The following SHROOM2 variants were observed in gnomAD, a reference collection of about 807,000 sequenced individuals.
SHROOM2 encodes shroom family member 2.
SHROOM2 carries 33 observed loss-of-function variants against 75.9 expected under a neutral mutation model. The observed-to-expected ratio is 0.43, with a 90% confidence interval of 0.33 to 0.58. SHROOM2 has a LOEUF of 0.58. SHROOM2 is among the 20% of genes least tolerant of loss of function. The pLI, the probability that SHROOM2 is intolerant of heterozygous loss-of-function variation, is 0.04. For synonymous variants in SHROOM2, 655 were observed against 663.6 expected, an observed-to-expected ratio of 0.99 and a Z score of 0.20; for missense variants, 1,434 against 1,461.2, an observed-to-expected ratio of 0.98 and a Z score of 0.30.
In SHROOM2 at chrX:9,937,194, C is replaced by T. The variant is rs1204724090; in HGVS notation, c.3648C>T (p.His1216=). Residue 1216 remains histidine (H), a synonymous_variant, in exon 7 of 10, where the codon CAC becomes CAT. Transcript: ENST00000380913. ...TVKMVPIKIV[H]SESQPEKESR... is the part of the protein sequence containing the mutation. ...AGATGGTGCCCATCAAGATCGTGCA[C>T]TCGGAGAGCCAGCCAGAGAAGGAGA... 8.3e-7 allele frequency: 1 copy of T among 1,204,320 alleles called. No homozygotes were observed. Among genetic ancestry groups the T allele is most frequent in the East Asian group, 3.0e-5 (1 of 33,384 alleles).
chrX:9,855,904 G>A (rs73474524), intron 1 of SHROOM2, among the ~76,000 whole-genome samples: 1,409 of 111,273 alleles, frequency 0.013, 19 homozygotes, highest in African/African-American at 0.043. Flanking sequence ...TTGCATACCC[G>A]CCAAAGCGCA....
In SHROOM2 at chrX:9,895,219, C is replaced by G. The variant is rs200302584; in HGVS notation, c.1311C>G (p.Pro437=). The stretch of plus-strand genomic sequence containing the variant: ...CTCCCCTATACAGCGACCACAGCCC[C>G]CTCTGTGCTGACAGCCTTGGGCAGG... ...RHPPLYSDHS[P]LCADSLGQEP... is the part of the protein sequence containing the mutation. The change falls in exon 4 of 10, where the codon CCC becomes CCG. Residue 437 remains proline (P), a synonymous_variant. Coordinates refer to ENST00000380913, the MANE Select transcript of SHROOM2 (RefSeq NM_001649.4). The G allele has an allele frequency of 5.3e-5, 64 of 1,204,522 alleles. No homozygotes were observed. Among genetic ancestry groups the G allele is most frequent in the East Asian group, 2.4e-4 (8 of 33,684 alleles).
intron 2 of SHROOM2, among the ~76,000 whole-genome samples, chrX:9,883,747 G>A (rs1260654672): frequency 2.7e-5 from 3 of 111,524 alleles, no homozygotes; most frequent in Non-Finnish European, 5.7e-5. Flanking sequence ...GAAGCCTTCC[G>A]GAGGATTGGC....
At chrX:9,789,124 C>T (rs1053897721) in intron 1 of SHROOM2, among the ~76,000 whole-genome samples, 3 of 111,541 alleles carry the variant, frequency 2.7e-5, no homozygotes, top group African/African-American at 6.5e-5. Flanking sequence ...TTTACATAGT[C>T]AAACTCAAAC....
intron 1 of SHROOM2, among the ~76,000 whole-genome samples, chrX:9,869,241 A>G (rs1474037554): frequency 8.9e-6 from 1 of 112,884 alleles, no homozygotes; most frequent in Non-Finnish European, 1.9e-5. Context: ...GATTACAGGC[A>G]TGAGCCACCG....
At chrX:9,847,215 C>T (rs1406954598) in intron 1 of SHROOM2, among the ~76,000 whole-genome samples, 1 of 112,353 alleles carries the variant, frequency 8.9e-6, no homozygotes, top group Non-Finnish European at 1.9e-5. Flanking sequence ...AATTGTTGTA[C>T]CACAAACTCT....
intron 1 of SHROOM2, among the ~76,000 whole-genome samples, chrX:9,854,082 A>G (rs1378793681): frequency 2.7e-5 from 3 of 112,692 alleles, no homozygotes; most frequent in Non-Finnish European, 1.9e-5. Context: ...CACAAAGGAC[A>G]GTTTCACTTT....
chrX:9,816,580 CCTG>C lies in SHROOM2; in HGVS notation c.165+29900_165+29902del, dbSNP rs112480338. On this transcript the variant is annotated intron_variant, in intron 1 of 9. Transcript: ENST00000380913. ...GTTTGTGGTTAGCTCAGCCTTACCC[CCTG>C]CTGCTGCTGCTGCTGCTGCTGCTGC... Among the ~76,000 whole-genome samples the C allele has an allele frequency of 1.7e-3, 178 of 102,548 alleles. 1 individual carries two copies. Among genetic ancestry groups the C allele is most frequent in the Admixed American group, 5.8e-3 (53 of 9,071 alleles). The allele number at this position is 102,548 out of a possible 115,157, so 89.1% of individuals were successfully genotyped here.
chrX:9,893,414 C>T (rs1569160162), intron 3 of SHROOM2, among the ~76,000 whole-genome samples: 1 of 111,863 alleles, frequency 8.9e-6, no homozygotes, highest in East Asian at 2.8e-4. Flanking sequence ...CAGGTGTGAG[C>T]CACCAAACCT....
At chrX:9,905,013 A>G (rs1227943475) in intron 5 of SHROOM2, among the ~76,000 whole-genome samples, 1 of 112,094 alleles carries the variant, frequency 8.9e-6, no homozygotes, top group Non-Finnish European at 1.9e-5. Context: ...ACACCTAGCT[A>G]ATTAAAAAAA....
intron 7 of SHROOM2, among the ~76,000 whole-genome samples, chrX:9,938,802 G>C (rs1037524151): frequency 7.2e-5 from 8 of 110,605 alleles, no homozygotes; most frequent in African/African-American, 2.6e-4. Flanking sequence ...CAGGCAGGAG[G>C]GCGCCGACAG....
intron 1 of SHROOM2, among the ~76,000 whole-genome samples, chrX:9,843,477 T>C (rs1330335949): frequency 9.1e-6 from 1 of 110,300 alleles, no homozygotes; most frequent in Non-Finnish European, 1.9e-5. Context: ...TAGCTCACTG[T>C]GGCCTCTGCC....
At chrX:9,794,210 C>T in intron 1 of SHROOM2, among the ~76,000 whole-genome samples, 1 of 111,872 alleles carries the variant, frequency 8.9e-6, no homozygotes, top group East Asian at 2.8e-4. Context: ...TGAGAAACTG[C>T]TAACCACAAA....
At chrX:9,931,630 C>T (rs1421735523) in intron 5 of SHROOM2, among the ~76,000 whole-genome samples, 3 of 111,156 alleles carry the variant, frequency 2.7e-5, no homozygotes, top group Non-Finnish European at 3.8e-5. Flanking sequence ...GGTGACAAAG[C>T]GAGACCCCAA....
At chrX:9,854,416 C>T (rs939766324) in intron 1 of SHROOM2, among the ~76,000 whole-genome samples, 1 of 111,788 alleles carries the variant, frequency 8.9e-6, no homozygotes, top group African/African-American at 3.2e-5. Flanking sequence ...GTTCCAGCCT[C>T]TTGTCACACA....
intron 2 of SHROOM2, among the ~76,000 whole-genome samples, chrX:9,878,839 G>A (rs2084216132): frequency 9.1e-6 from 1 of 109,699 alleles, no homozygotes; most frequent in Non-Finnish European, 1.9e-5. Flanking sequence ...GACGTCAGGT[G>A]AAACCCATGC....
At chrX:9,926,445 G>A (rs1692468699) in intron 5 of SHROOM2, among the ~76,000 whole-genome samples, 1 of 111,910 alleles carries the variant, frequency 8.9e-6, no homozygotes, top group South Asian at 3.8e-4. Context: ...TGGGCAAGCT[G>A]CTGCTGTTTG....
intron 1 of SHROOM2, among the ~76,000 whole-genome samples, chrX:9,812,662 T>C (rs1415574891): frequency 2.7e-5 from 3 of 112,208 alleles, no homozygotes; most frequent in African/African-American, 6.5e-5. Flanking sequence ...CTGGATCCAA[T>C]TGGTATAATA....
intron 1 of SHROOM2, among the ~76,000 whole-genome samples, chrX:9,827,337 C>G (rs1490295518): frequency 3.9e-5 from 4 of 102,458 alleles, no homozygotes; most frequent in African/African-American, 1.5e-4. Context: ...ATCTTCCCAT[C>G]TCAGCCTCCC....
Sources: gnomAD v4.1 joint callset for allele counts (sites outside exome capture counted in the v4.1 genomes callset) on GRCh38, gnomAD v4.1.1 for gene constraint, MANE v1.5 for transcripts, NCBI Gene and HGNC (gene_info 2026-07-23, HGNC 2026-07-21) for gene names.